The following TRPM3 variants were observed in gnomAD, a reference collection of about 807,000 sequenced individuals.
TRPM3 encodes the protein long transient receptor potential channel 3.
In TRPM3, 77 loss-of-function variants were observed where a neutral mutation model predicts 181.2. The observed-to-expected ratio is 0.42, with a 90% CI of 0.35 to 0.51. The LOEUF is 0.51. TRPM3 is among the 20% of genes least tolerant of loss of function. The probability of loss-of-function intolerance (pLI) is 0.01; values close to 1 mark genes in which losing one functional copy is unlikely to be tolerated. For synonymous variants in TRPM3, 745 were observed against 796.4 expected (o/e 0.94, Z 1.09); for missense variants, 1,759 against 2,196.7 (o/e 0.80, Z 3.98).
intron 1 of TRPM3, among the ~76,000 whole-genome samples, chr9:71,073,736 A>G (rs1485755082): frequency 6.6e-6 from 1 of 152,208 alleles, no homozygotes; most frequent in East Asian, 1.9e-4. Context: ...CAGCTTATAT[A>G]TGACAGGAAC....
intron 1 of TRPM3, among the ~76,000 whole-genome samples, chr9:71,218,908 A>T (rs930921504): frequency 1.3e-5 from 2 of 152,226 alleles, no homozygotes; most frequent in Admixed American, 6.5e-5. Flanking sequence ...CTACTGGGAA[A>T]AGTAGGTCCA....
intron 1 of TRPM3, among the ~76,000 whole-genome samples, chr9:71,109,338 A>G (rs904754834): frequency 6.6e-6 from 1 of 152,048 alleles, no homozygotes; most frequent in Admixed American, 6.6e-5. Context: ...ACAATCTACA[A>G]TAACTCCAAA....
intron 1 of TRPM3, among the ~76,000 whole-genome samples, chr9:71,372,303 A>G (rs1316396967): frequency 2.0e-5 from 3 of 152,168 alleles, no homozygotes; most frequent in Non-Finnish European, 4.4e-5. Flanking sequence ...ATACGCATCC[A>G]TATATCTTTA....
Position 70,533,645 on chromosome 9 carries a change from AT to A in TRPM3, c.*2307del, listed in dbSNP as rs1181224310. On this transcript the variant is annotated 3_prime_UTR_variant, in exon 26 of 26. Coordinates refer to ENST00000677713, the MANE Select transcript of TRPM3 (RefSeq NM_001366145.2). ...AGAGTTATCGTAGAGCCTCGTAGGGATTCATGACTCAAGGAAGTTTAAGAAC... is the reference window on the plus strand; with the variant it reads ...AGAGTTATCGTAGAGCCTCGTAGGGATCATGACTCAAGGAAGTTTAAGAAC... 1.3e-5 allele frequency: 2 copies of A among 151,492 alleles called. No individual in the cohort carries two copies. The highest frequency in any genetic ancestry group is 4.9e-5 in the African/African-American group (2 of 41,148). 9.4% of individuals were successfully genotyped at this position (151,492 alleles called of 1,614,324 possible).
intron 6 of TRPM3, among the ~76,000 whole-genome samples, chr9:70,802,128 G>T (rs549802551): frequency 6.6e-6 from 1 of 152,146 alleles, no homozygotes; most frequent in Non-Finnish European, 1.5e-5. Context: ...GTGTCCTAGC[G>T]TAAAGCTGCA....
intron 7 of TRPM3, among the ~76,000 whole-genome samples, chr9:70,769,307 G>T (rs1233587376): frequency 6.6e-6 from 1 of 152,020 alleles, no homozygotes; most frequent in Non-Finnish European, 1.5e-5. Flanking sequence ...TATATCTTCA[G>T]CTTGCTATAT....
chr9:70,977,141 ATTTT>A (rs916412242), intron 1 of TRPM3, among the ~76,000 whole-genome samples: 15 of 151,142 alleles, frequency 9.9e-5, no homozygotes, highest in Middle Eastern at 3.4e-3. Flanking sequence ...TTATTTATTT[ATTTT>A]TTTTTTTGAG....
intron 1 of TRPM3, among the ~76,000 whole-genome samples, chr9:71,050,932 G>C (rs1461873764): frequency 1.3e-5 from 2 of 152,180 alleles, no homozygotes; most frequent in Non-Finnish European, 2.9e-5. Context: ...CTTATAGATT[G>C]ACTAGCAATT....
chr9:70,962,914 AT>A (rs1343036079), intron 1 of TRPM3, among the ~76,000 whole-genome samples: 2 of 152,184 alleles, frequency 1.3e-5, no homozygotes, highest in Non-Finnish European at 2.9e-5. Flanking sequence ...ATATGTCCTT[AT>A]GAAAGATAAA....
Position 70,944,898 on chromosome 9 carries a change from A to C in TRPM3, c.178-80387T>G, listed in dbSNP as rs553615817. 6.9e-4 allele frequency among the ~76,000 whole-genome samples: 105 copies of C among 152,204 alleles called. 1 individual carries two copies. Among genetic ancestry groups the C allele is most frequent in the South Asian group, 4.4e-3 (21 of 4,824 alleles). ...ACTACTCTGCTCACAGGTGAAAAAA[A>C]AAAAACCACATAAAAGCCTCAGTAA... On this transcript the variant is annotated intron_variant, in intron 1 of 25. Coordinates refer to ENST00000677713, the MANE Select transcript of TRPM3 (RefSeq NM_001366145.2).
intron 1 of TRPM3, among the ~76,000 whole-genome samples, chr9:71,093,445 C>G (rs1565178916): frequency 1.3e-5 from 2 of 151,554 alleles, no homozygotes; most frequent in Non-Finnish European, 2.9e-5. Context: ...AGACACTTCT[C>G]AAAAGAAGAT....
intron 1 of TRPM3, among the ~76,000 whole-genome samples, chr9:71,228,267 G>A (rs762075122): frequency 5.3e-5 from 8 of 152,058 alleles, no homozygotes; most frequent in Non-Finnish European, 8.8e-5. Flanking sequence ...GAAAATTTTT[G>A]CTAAAACTCA....
At chr9:71,033,084 G>A (rs1050482168) in intron 1 of TRPM3, among the ~76,000 whole-genome samples, 1 of 152,204 alleles carries the variant, frequency 6.6e-6, no homozygotes, top group Non-Finnish European at 1.5e-5. Flanking sequence ...TCTTAAGTGG[G>A]CTGGGGCTTG....
At chr9:70,997,165 C>T (rs1306403429) in intron 1 of TRPM3, among the ~76,000 whole-genome samples, 1 of 151,990 alleles carries the variant, frequency 6.6e-6, no homozygotes, top group African/African-American at 2.4e-5. Context: ...CTCCTCCTAC[C>T]CCCTTGTCAC....
At chr9:71,161,641 T>C (rs1375848543) in intron 1 of TRPM3, among the ~76,000 whole-genome samples, 2 of 152,130 alleles carry the variant, frequency 1.3e-5, no homozygotes, top group African/African-American at 4.8e-5. Flanking sequence ...ATAATTACTG[T>C]GTACTGTCTT....
Position 70,694,648 on chromosome 9 carries a change from T to G in TRPM3, c.1273-13070A>C, listed in dbSNP as rs538597502. On this transcript the variant is annotated intron_variant, in intron 8 of 25. Coordinates refer to ENST00000677713, the MANE Select transcript of TRPM3 (RefSeq NM_001366145.2). Reference sequence around the variant, plus strand: ...GGCACCCGCCACCACGCCCGGCTAATTTTTTGTATTTTTAGTAGAGATGGG... The same window carrying G: ...GGCACCCGCCACCACGCCCGGCTAAGTTTTTGTATTTTTAGTAGAGATGGG... Among the ~76,000 whole-genome samples the G allele has an allele frequency of 1.4e-3, 217 of 152,110 alleles. 1 individual carries two copies. Among genetic ancestry groups the G allele is most frequent in the African/African-American group, 5.1e-3 (210 of 41,508 alleles).
At chr9:71,124,573 CT>C (rs2134416962), upstream of TRPM3, among the ~76,000 whole-genome samples, 1 of 152,298 alleles carries the variant, frequency 6.6e-6, no homozygotes, top group East Asian at 1.9e-4. Flanking sequence ...CCACTTTCCA[CT>C]GATTATCTTC....
chr9:70,992,541 CAA>C (rs2134138335), intron 1 of TRPM3, among the ~76,000 whole-genome samples: 1 of 152,318 alleles, frequency 6.6e-6, no homozygotes, highest in Non-Finnish European at 1.5e-5. Flanking sequence ...CACTGTCTAA[CAA>C]AACTTTCTGT....
intron 22 of TRPM3, among the ~76,000 whole-genome samples, chr9:70,578,747 T>G (rs2054744808): frequency 6.6e-6 from 1 of 152,228 alleles, no homozygotes; most frequent in Non-Finnish European, 1.5e-5. Context: ...GCAACTACAT[T>G]GTGTCATCTC....
Sources: gnomAD v4.1 joint callset for allele counts (sites outside exome capture counted in the v4.1 genomes callset) on GRCh38, gnomAD v4.1.1 for gene constraint, MANE v1.5 for transcripts, NCBI Gene and HGNC (gene_info 2026-07-23, HGNC 2026-07-21) for gene names.